The following DNAH11 variants were observed in gnomAD, a reference collection of about 807,000 sequenced individuals.
DNAH11 encodes the protein dynein axonemal heavy chain 11, also known as axonemal beta dynein heavy chain 11.
A neutral mutation model predicts 526.0 loss-of-function variants in DNAH11; 442 were observed. The observed-to-expected ratio is 0.84, with a 90% CI of 0.78 to 0.91. The LOEUF is 0.91. Ranked by LOEUF, DNAH11 falls within the 40% of genes least tolerant of loss-of-function variation. The pLI is 0.00. For missense variants in DNAH11, 6,989 were observed against 5,448.7 expected (o/e 1.28, Z -8.90); for synonymous variants, 2,461 against 1,935.9 (o/e 1.27, Z -7.12).
At chr7:21,725,031 C>A (rs1364291390) in intron 44 of DNAH11, among the ~76,000 whole-genome samples, 1 of 48,764 alleles carries the variant, frequency 2.1e-5, no homozygotes, top group Non-Finnish European at 4.3e-5. Context: ...AGTTGTTGCT[C>A]ACAGTTGTCC....
intron 75 of DNAH11, among the ~76,000 whole-genome samples, 171 bp from the exon 76 acceptor site, chr7:21,884,120 T>C (rs1436798914): frequency 2.0e-5 from 3 of 152,206 alleles, no homozygotes; most frequent in African/African-American, 7.2e-5. Context: ...CTGAAAATAA[T>C]TCTCCCAAGA....
chr7:21,785,932 G>T (rs963498387), intron 58 of DNAH11, among the ~76,000 whole-genome samples: 2 of 152,136 alleles, frequency 1.3e-5, no homozygotes, highest in Non-Finnish European at 2.9e-5. Context: ...CTGGTTGGTT[G>T]TTTTTGTTTT....
At chr7:21,814,853 T>C (rs1010691554) in intron 63 of DNAH11, among the ~76,000 whole-genome samples, 2 of 152,134 alleles carry the variant, frequency 1.3e-5, no homozygotes, top group African/African-American at 4.8e-5. Flanking sequence ...ATGATGCCTG[T>C]ATTATAACTA....
At chr7:21,865,793 G>C (rs930841911) in intron 70 of DNAH11, among the ~76,000 whole-genome samples, 2 of 152,234 alleles carry the variant, frequency 1.3e-5, no homozygotes, top group African/African-American at 2.4e-5. Context: ...TCCATAGGGA[G>C]AGTAGCCCTG....
Position 21,797,902 on chromosome 7 carries a change from A to G in DNAH11, c.10027-3235A>G, listed in dbSNP as rs1465425222. Among the ~76,000 whole-genome samples, 3 of 152,384 alleles carry G rather than the reference A, an allele frequency of 2.0e-5. No homozygotes were observed. In the East Asian group the frequency reaches 5.8e-4, roughly 29 times the overall value. ...TGATATTTGCACACCAAGCTAACTT[A>G]CCATGTGCTTGCTGAATGTGCTGTG... On this transcript the variant is annotated intron_variant, in intron 61 of 81. Coordinates refer to ENST00000409508, the MANE Select transcript of DNAH11 (RefSeq NM_001277115.2).
At chr7:21,743,459 C>G (rs1786006862) in intron 49 of DNAH11, among the ~76,000 whole-genome samples, 2 of 152,170 alleles carry the variant, frequency 1.3e-5, no homozygotes, top group South Asian at 4.1e-4. Context: ...CTAATGTGGT[C>G]TACCCTGTAC....
intron 2 of DNAH11, among the ~76,000 whole-genome samples, chr7:21,551,030 C>G (rs539148988): frequency 6.6e-6 from 1 of 152,258 alleles, no homozygotes; most frequent in African/African-American, 2.4e-5. Context: ...AATCCCTATA[C>G]ACACCCATAA....
chr7:21,797,887 A>T (rs1178067465), intron 61 of DNAH11, among the ~76,000 whole-genome samples: 1 of 152,212 alleles, frequency 6.6e-6, no homozygotes, highest in African/African-American at 2.4e-5. Context: ...TGATATTTGC[A>T]CACCAAGCTA....
chr7:21,631,444 A>C (rs1323949980), intron 25 of DNAH11, among the ~76,000 whole-genome samples: 2 of 152,242 alleles, frequency 1.3e-5, no homozygotes, highest in Non-Finnish European at 2.9e-5. Flanking sequence ...ATCTGAGACA[A>C]GGCAAGTCCC....
At chr7:21,846,783 G>A (rs186924149) in intron 66 of DNAH11, among the ~76,000 whole-genome samples, 1 of 152,158 alleles carries the variant, frequency 6.6e-6, no homozygotes, top group Non-Finnish European at 1.5e-5. Context: ...GTAGAGAATT[G>A]ATACTATTTC....
At chr7:21,623,533 C>T (rs1290008713) in intron 25 of DNAH11, among the ~76,000 whole-genome samples, 3 of 152,096 alleles carry the variant, frequency 2.0e-5, no homozygotes, top group South Asian at 2.1e-4. Context: ...TATTGTGGCA[C>T]TATTCACAAT....
chr7:21,889,511 T>G (rs1784254584), intron 76 of DNAH11, among the ~76,000 whole-genome samples: 1 of 152,208 alleles, frequency 6.6e-6, no homozygotes, highest in Admixed American at 6.5e-5. Context: ...TATCTTCCCT[T>G]CAGCAATGTA....
intron 68 of DNAH11, among the ~76,000 whole-genome samples, chr7:21,857,633 T>A (rs1041637554): frequency 1.3e-5 from 2 of 152,020 alleles, no homozygotes; most frequent in Admixed American, 6.6e-5. Context: ...GAAAAATGCA[T>A]AGATCTGTGG....
intron 65 of DNAH11, 142 bp from the exon 66 acceptor site, chr7:21,842,402 A>C (rs549258215): frequency 1.6e-6 from 1 of 610,774 alleles, no homozygotes; most frequent in African/African-American, 1.8e-5. Context: ...GTACTTTAGG[A>C]AATTTGGGAG....
intron 71 of DNAH11, 22 bp downstream of exon 71, chr7:21,866,685 G>A (rs1335520061): frequency 6.3e-7 from 1 of 1,591,600 alleles, no homozygotes. Flanking sequence ...AGCATTTTTG[G>A]AAACATGTAT....
At chr7:21,710,838 G>A in intron 41 of DNAH11, 135 bp downstream of exon 41, 1 of 893,008 alleles carries the variant, frequency 1.1e-6, no homozygotes, top group African/African-American at 1.7e-5. Flanking sequence ...TTTGATAAGT[G>A]TTGCTTTCCT....
chr7:21,897,019 G>C (rs901419142), intron 79 of DNAH11, among the ~76,000 whole-genome samples: 6 of 152,178 alleles, frequency 3.9e-5, no homozygotes, highest in African/African-American at 1.4e-4. Context: ...AGGGTGCAAT[G>C]AGCCATGATC....
intron 76 of DNAH11, among the ~76,000 whole-genome samples, chr7:21,890,510 G>C (rs527681172): frequency 3.3e-5 from 5 of 152,294 alleles, no homozygotes; most frequent in African/African-American, 1.2e-4. Context: ...CAGATTAACT[G>C]TGGCTTCTGA....
At chr7:21,564,518 A>AATT in intron 6 of DNAH11, 121 bp downstream of exon 6, 1 of 714,514 alleles carries the variant, frequency 1.4e-6, no homozygotes, top group Non-Finnish European at 2.1e-6. Flanking sequence ...TTTTTTCAGA[A>AATT]AGGACATTTT....
Sources: gnomAD v4.1 joint callset for allele counts (sites outside exome capture counted in the v4.1 genomes callset) on GRCh38, gnomAD v4.1.1 for gene constraint, MANE v1.5 for transcripts, NCBI Gene and HGNC (gene_info 2026-07-23, HGNC 2026-07-21) for gene names.